Variants in DENND1A observed in about 807,000 individuals in gnomAD.
The protein encoded by DENND1A is DENN domain-containing protein 1A.
DENND1A carries 51 observed loss-of-function variants against 113.7 expected under a neutral mutation model. That is an observed-to-expected ratio of 0.45 (90% CI 0.36 to 0.57). DENND1A has a LOEUF of 0.57. DENND1A is among the 20% of genes least tolerant of loss of function. The pLI is 0.00. For synonymous variants in DENND1A, 565 were observed against 570.8 expected (o/e 0.99, Z 0.14); for missense variants, 1,258 against 1,395.9 (o/e 0.90, Z 1.57).
chr9:123,751,321 A>T (rs2070005853), intron 5 of DENND1A: 1 of 152,168 alleles, frequency 6.6e-6, no homozygotes, highest in Non-Finnish European at 1.5e-5. Context: ...TTGTCACTGA[A>T]CACCACTCAG....
At chr9:123,725,544 T>C (rs1383455468) in intron 5 of DENND1A, among the ~76,000 whole-genome samples, 1 of 152,206 alleles carries the variant, frequency 6.6e-6, no homozygotes, top group Non-Finnish European at 1.5e-5. Context: ...ACTAAACCAG[T>C]AGGCTGTGGT....
rs1237999209 is a variant in DENND1A, at chr9:123,500,648, C to T, written c.994-42751G>A. Among the ~76,000 whole-genome samples, 6 of 152,296 alleles carry T rather than the reference C, an allele frequency of 3.9e-5. No homozygotes were observed. In the East Asian group the frequency reaches 7.7e-4, roughly 20 times the overall value. ...CTTAACACCTGCACTGAGAGTTCTC[C>T]GCACGCCTCTCCCTCTTAGCATGAA... On this transcript the variant is annotated intron_variant, in intron 13 of 23. Transcript: ENST00000394215.
intron 2 of DENND1A, among the ~76,000 whole-genome samples, chr9:123,841,664 G>T (rs866747303): frequency 1.1e-4 from 17 of 152,176 alleles, no homozygotes; most frequent in African/African-American, 3.9e-4. Context: ...TCCCCCCTAA[G>T]GATGATTTAA....
intron 2 of DENND1A, among the ~76,000 whole-genome samples, chr9:123,868,466 A>G (rs1263383206): frequency 1.3e-5 from 2 of 152,232 alleles, no homozygotes; most frequent in Non-Finnish European, 2.9e-5. Flanking sequence ...TGTCCCATGC[A>G]TGGTGCACTC....
chr9:123,686,175 G>A (rs1464658615), intron 5 of DENND1A, among the ~76,000 whole-genome samples: 1 of 152,150 alleles, frequency 6.6e-6, no homozygotes, highest in Non-Finnish European at 1.5e-5. Context: ...CAAGTGTTAG[G>A]TGCTTTGAAA....
intron 21 of DENND1A, chr9:123,399,960 G>A (rs1366353095): frequency 6.6e-6 from 1 of 152,260 alleles, no homozygotes; most frequent in African/African-American, 2.4e-5. Context: ...ATCAATGGGT[G>A]CTCCACCGCG....
intron 19 of DENND1A, among the ~76,000 whole-genome samples, chr9:123,432,879 G>C (rs1340595096): frequency 6.6e-6 from 1 of 152,180 alleles, no homozygotes; most frequent in Non-Finnish European, 1.5e-5. Context: ...GGTGGCACTG[G>C]GCCTCCTCTG....
chr9:123,664,884 G>C (rs1387457248), intron 8 of DENND1A, among the ~76,000 whole-genome samples: 3 of 152,046 alleles, frequency 2.0e-5, no homozygotes, highest in African/African-American at 7.2e-5. Context: ...TCCTTCAGTA[G>C]CCTCCTTCAT....
chr9:123,847,382 TAAG>T (rs1430077532), intron 2 of DENND1A, among the ~76,000 whole-genome samples: 2 of 151,608 alleles, frequency 1.3e-5, no homozygotes, highest in South Asian at 4.2e-4. Flanking sequence ...CCAAGATATA[TAAG>T]AAGAAAACTC....
chr9:123,742,691 C>T (rs1272697107), intron 5 of DENND1A, among the ~76,000 whole-genome samples: 1 of 152,114 alleles, frequency 6.6e-6, no homozygotes, highest in African/African-American at 2.4e-5. Flanking sequence ...AAGCATAAAA[C>T]AGGTTATGAC....
At chr9:123,903,331 CAAAAAAAAAAAAAAAAAA>C (rs869154918) in intron 1 of DENND1A, among the ~76,000 whole-genome samples, 2 of 27,010 alleles carry the variant, frequency 7.4e-5, no homozygotes, top group Non-Finnish European at 1.5e-4. Flanking sequence ...GACTCCGTCT[CAAAAAAAAAAAAAAAAAA>C]AAAAAAAAAC....
chr9:123,878,050 A>C (rs1184288834), intron 2 of DENND1A, among the ~76,000 whole-genome samples: 1 of 151,778 alleles, frequency 6.6e-6, no homozygotes, highest in Non-Finnish European at 1.5e-5. Context: ...TTAAAAATAC[A>C]AAATTAGCTG....
At chr9:123,507,280 G>A (rs528496815) in intron 13 of DENND1A, among the ~76,000 whole-genome samples, 33 of 152,328 alleles carry the variant, frequency 2.2e-4, no homozygotes, top group African/African-American at 7.7e-4. Flanking sequence ...AACCACTACT[G>A]TTTTTCTTAT....
At chr9:123,656,082 G>A (rs1028297140) in intron 8 of DENND1A, among the ~76,000 whole-genome samples, 1 of 152,234 alleles carries the variant, frequency 6.6e-6, no homozygotes, top group African/African-American at 2.4e-5. Flanking sequence ...TCCCCTTGAC[G>A]GATATGCAGG....
chr9:123,578,926 T>C (rs1310591355), intron 12 of DENND1A, among the ~76,000 whole-genome samples: 1 of 152,076 alleles, frequency 6.6e-6, no homozygotes, highest in Non-Finnish European at 1.5e-5. Flanking sequence ...GAGAGATTAA[T>C]AGATGAGGTA....
chr9:123,481,438 G>T (rs893114810), intron 13 of DENND1A, among the ~76,000 whole-genome samples: 1 of 152,196 alleles, frequency 6.6e-6, no homozygotes, highest in East Asian at 1.9e-4. Context: ...ATTTACAGAC[G>T]GCCCTCCTGT....
chr9:123,894,144 G>A (rs1166941264), intron 1 of DENND1A, among the ~76,000 whole-genome samples: 1 of 152,136 alleles, frequency 6.6e-6, no homozygotes, highest in Non-Finnish European at 1.5e-5. Context: ...CCTAACAAAA[G>A]ACCTGGTTTT....
At chr9:123,593,434 G>A (rs568852252) in intron 11 of DENND1A, among the ~76,000 whole-genome samples, 1 of 152,230 alleles carries the variant, frequency 6.6e-6, no homozygotes, top group South Asian at 2.1e-4. Context: ...GAGCAGTAAT[G>A]GGACCTCCAA....
At chr9:123,738,071 GAACATGTT>G (rs1347931284) in intron 5 of DENND1A, among the ~76,000 whole-genome samples, 1 of 152,136 alleles carries the variant, frequency 6.6e-6, no homozygotes, top group Non-Finnish European at 1.5e-5. Context: ...GTAAAGCACT[GAACATGTT>G]AACATCTATC....
Sources: allele counts gnomAD v4.1 joint callset (sites outside exome capture counted in the v4.1 genomes callset), GRCh38; gene constraint gnomAD v4.1.1; transcripts MANE v1.5; gene names NCBI Gene and HGNC (gene_info 2026-07-23, HGNC 2026-07-21).